Variants in CPED1 observed in about 807,000 individuals in gnomAD.
CPED1 encodes the protein cadherin-like and PC-esterase domain-containing protein 1.
CPED1 carries 114 observed loss-of-function variants against 128.2 expected under a neutral mutation model. The ratio of observed to expected loss-of-function variants is 0.89; its 90% confidence interval spans 0.76 to 1.04. The LOEUF (loss-of-function observed/expected upper bound fraction) is 1.04, where lower values mean the gene tolerates loss of function less well. CPED1 is among the 50% of genes least tolerant of loss of function. The pLI, the probability that CPED1 is intolerant of heterozygous loss-of-function variation, is 0.00. For synonymous variants in CPED1, 462 were observed against 426.7 expected (o/e 1.08, Z -1.02); for missense variants, 1,211 against 1,207.1 (o/e 1.00, Z -0.05).
intron 18 of CPED1, among the ~76,000 whole-genome samples, chr7:121,260,375 T>C (rs1341196174): frequency 6.6e-6 from 1 of 151,898 alleles, no homozygotes; most frequent in Non-Finnish European, 1.5e-5. Flanking sequence ...AAAACATTTA[T>C]TGTAACCGCA....
rs73717488 is a variant in CPED1, at chr7:121,259,520, A to G, written c.2311-6707A>G. On this transcript the variant is annotated intron_variant, in intron 18 of 22. Coordinates refer to ENST00000310396, the MANE Select transcript of CPED1 (RefSeq NM_024913.5). ...TGTTGAATTAAAGGAAAATCAATTG[A>G]AAAAAAGCAAGCTATGTATTAAATG... is the stretch of plus-strand genomic sequence containing the variant. Among the ~76,000 whole-genome samples the G allele has an allele frequency of 3.7e-3, 566 of 152,180 alleles. 3 individuals are homozygous for G. The highest frequency in any genetic ancestry group is 0.013 in the African/African-American group (537 of 41,552).
chr7:120,993,224 T>C (rs1004560320), intron 2 of CPED1, among the ~76,000 whole-genome samples: 4 of 152,164 alleles, frequency 2.6e-5, no homozygotes, highest in African/African-American at 9.7e-5. Flanking sequence ...ATCTAACAGT[T>C]TAACATTTCA....
At chr7:121,202,223 T>G (rs1797415872) in intron 16 of CPED1, among the ~76,000 whole-genome samples, 3 of 152,122 alleles carry the variant, frequency 2.0e-5, no homozygotes, top group Non-Finnish European at 4.4e-5. Context: ...AGGCTGAAGA[T>G]CAAAGAACTC....
At chr7:121,063,958 T>A (rs1793755797) in intron 4 of CPED1, among the ~76,000 whole-genome samples, 2 of 152,190 alleles carry the variant, frequency 1.3e-5, no homozygotes, top group South Asian at 4.1e-4. Context: ...TTCTTTTATA[T>A]TTAGCAAATA....
At chr7:121,034,624 G>C (rs1792839225) in intron 3 of CPED1, among the ~76,000 whole-genome samples, 1 of 152,106 alleles carries the variant, frequency 6.6e-6, no homozygotes, top group Non-Finnish European at 1.5e-5. Flanking sequence ...GCTATATGTA[G>C]GACCCTATAA....
intron 16 of CPED1, among the ~76,000 whole-genome samples, chr7:121,171,617 T>C (rs1412518877): frequency 6.6e-6 from 1 of 152,188 alleles, no homozygotes; most frequent in Non-Finnish European, 1.5e-5. Context: ...ACATAATATA[T>C]TATAGCCTAG....
intron 16 of CPED1, among the ~76,000 whole-genome samples, chr7:121,149,886 C>T (rs1420701844): frequency 6.6e-6 from 1 of 152,096 alleles, no homozygotes; most frequent in Non-Finnish European, 1.5e-5. Flanking sequence ...GTCCCTGATG[C>T]CCACATCTTT....
In CPED1 at chr7:121,046,995, T is replaced by C; in HGVS notation, c.540+2T>C. The C allele has an allele frequency of 6.3e-7, 1 of 1,576,146 alleles. No individual in the cohort carries two copies. On this transcript the variant is annotated splice_donor_variant, in intron 4 of 22. Transcript: ENST00000310396. LOFTEE classifies it high-confidence loss of function. ...TGCCAGTTAGGTTTACATCAAAAGG[T>C]AAATACTCTCAAGATGTGCACAGAT...
chr7:121,295,458 T>C lies in CPED1; in HGVS notation c.2887T>C (p.Ser963Pro). The change falls in exon 23 of 23, where the codon TCC becomes CCC. Residue 963 changes from serine to proline, a missense_variant. By Grantham distance (74) the Ser-to-Pro change is moderately conservative. Coordinates refer to ENST00000310396, the MANE Select transcript of CPED1 (RefSeq NM_024913.5). ...HFHEVVKSKL[S>P]KEYNFIKMKR... ...TTTACAGGTAGTGAAATCAAAGTTA[T>C]CCAAAGAATATAACTTTATTAAAAT... The C allele has an allele frequency of 6.2e-7, 1 of 1,612,282 alleles. No individual in the cohort carries two copies. The highest frequency in any genetic ancestry group is 8.5e-7 in the Non-Finnish European group (1 of 1,179,120).
At position 121,099,960 on chromosome 7, in the gene CPED1, A is replaced by G. The variant is rs1386002242; in HGVS notation, c.784A>G (p.Ile262Val). Reference sequence around the variant, plus strand: ...GACAGTCCTTGCTCCACATGAAACAATCTTTCGAGCCGAAGATCTATCTGT... The same window carrying G: ...GACAGTCCTTGCTCCACATGAAACAGTCTTTCGAGCCGAAGATCTATCTGT... ...ETTVLAPHETIFRAEDLSVIL... is the reference protein window; with the variant it reads ...ETTVLAPHETVFRAEDLSVIL... The change falls in exon 7 of 23, where the codon ATC (isoleucine) becomes GTC (valine). Residue 262 changes from isoleucine to valine, a missense_variant. Physicochemically the swap from Ile to Val is conservative, Grantham distance 29 (BLOSUM62 3). Transcript: ENST00000310396. 8 of 1,613,248 alleles carry G rather than the reference A, an allele frequency of 5.0e-6. No individual in the cohort carries two copies. Among genetic ancestry groups the G allele is most frequent in the South Asian group, 4.4e-5 (4 of 91,064 alleles).
chr7:121,242,730 T>TTCCAGTTGACATTG (rs771177360), intron 17 of CPED1, among the ~76,000 whole-genome samples: 11 of 152,174 alleles, frequency 7.2e-5, no homozygotes, highest in Non-Finnish European at 1.5e-4. Context: ...GGTATTTCTC[T>TTCCAGTTGACATTG]TCCAGTTGAC....
At chr7:121,137,472 C>CT (rs1208964237) in intron 14 of CPED1, among the ~76,000 whole-genome samples, 1 of 151,888 alleles carries the variant, frequency 6.6e-6, no homozygotes, top group Non-Finnish European at 1.5e-5. Context: ...CGTGGCTGGC[C>CT]TAATTTATTA....
intron 18 of CPED1, among the ~76,000 whole-genome samples, chr7:121,260,450 G>A (rs557167106): frequency 3.0e-4 from 45 of 151,868 alleles, no homozygotes; most frequent in Admixed American, 5.3e-4. Context: ...ATCATTAGCC[G>A]TCTGACCAGT....
chr7:121,206,836 C>T (rs936700365), intron 16 of CPED1, among the ~76,000 whole-genome samples: 7 of 151,974 alleles, frequency 4.6e-5, no homozygotes. Flanking sequence ...TAGTGAACAT[C>T]TGTTCTCCAC....
intron 22 of CPED1, 73 bp downstream of exon 22, chr7:121,271,503 T>A (rs1792228935): frequency 5.6e-6 from 8 of 1,419,294 alleles, no homozygotes; most frequent in Non-Finnish European, 7.8e-6. Flanking sequence ...TTAATTGTAT[T>A]GTCAGTCTTA....
chr7:121,014,397 A>G (rs1347668938), intron 2 of CPED1, among the ~76,000 whole-genome samples: 2 of 151,962 alleles, frequency 1.3e-5, no homozygotes, highest in East Asian at 3.9e-4. Context: ...CTAAAAATAC[A>G]AAAATTAGCC....
At chr7:121,220,238 C>T (rs1436733721) in intron 16 of CPED1, among the ~76,000 whole-genome samples, 1 of 151,998 alleles carries the variant, frequency 6.6e-6, no homozygotes, top group Non-Finnish European at 1.5e-5. Flanking sequence ...AATCATGATT[C>T]CAAATTAATG....
intron 2 of CPED1, among the ~76,000 whole-genome samples, chr7:120,996,542 T>C (rs755913835): frequency 6.6e-6 from 1 of 152,150 alleles, no homozygotes; most frequent in Non-Finnish European, 1.5e-5. Context: ...CTCCTTGTGG[T>C]TTATATATTG....
At chr7:121,018,001 A>G (rs1469739632) in intron 3 of CPED1, among the ~76,000 whole-genome samples, 2 of 152,176 alleles carry the variant, frequency 1.3e-5, no homozygotes, top group Non-Finnish European at 2.9e-5. Flanking sequence ...TACTGTGTAT[A>G]ATAAGATATT....
Sources: allele counts gnomAD v4.1 joint callset (sites outside exome capture counted in the v4.1 genomes callset), GRCh38; gene constraint gnomAD v4.1.1; transcripts MANE v1.5; gene names NCBI Gene and HGNC (gene_info 2026-07-23, HGNC 2026-07-21).